The following FRMD8 variants were observed in gnomAD, a reference collection of about 807,000 sequenced individuals.
FRMD8 encodes the protein FERM domain-containing protein 8.
Under a neutral mutation model 54.2 loss-of-function variants are expected in FRMD8, and 37 were observed. That is an observed-to-expected ratio of 0.68 (90% CI 0.53 to 0.90). The LOEUF (loss-of-function observed/expected upper bound fraction) is 0.90. FRMD8 is among the 40% of genes least tolerant of loss of function. The pLI is 0.00. For synonymous variants in FRMD8, 246 were observed against 286.9 expected (o/e 0.86, Z 1.44); for missense variants, 585 against 653.7 (o/e 0.89, Z 1.15).
At chr11:65,380,006 C>T in the FRMD8 span, 1 of 1,600,190 alleles carries the variant, frequency 6.2e-7, no homozygotes, top group Non-Finnish European at 8.6e-7. Context: ...CCTCTGCCCC[C>T]TCAAGCGGGA....
chr11:65,389,265 G>A (rs940648945), intron 2 of FRMD8, 96 bp from the exon 3 acceptor site: 1 of 1,216,972 alleles, frequency 8.2e-7, no homozygotes. Context: ...TAGGGTGGGG[G>A]CTCCAGCCCC....
chr11:65,394,472 T>C, intron 6 of FRMD8, 47 bp downstream of exon 6: 1 of 1,532,208 alleles, frequency 6.5e-7, no homozygotes, highest in Non-Finnish European at 8.8e-7. Flanking sequence ...TGGGGGAGTT[T>C]GTCCTTGGAA....
chr11:65,389,299 TTGGCC>T (rs1855792532), intron 2 of FRMD8, 57 bp from the exon 3 acceptor site: 16 of 1,561,028 alleles, frequency 1.0e-5, no homozygotes, highest in Non-Finnish European at 1.4e-5. Flanking sequence ...GGGTGCCTGG[TTGGCC>T]TGGCCTGGCT....
Position 65,400,108 on chromosome 11 carries a change from G to C in FRMD8, c.927+249G>C, listed in dbSNP as rs1369654344. Among the ~76,000 whole-genome samples the C allele has an allele frequency of 2.6e-5, 4 of 152,192 alleles. No homozygotes were observed. The highest frequency in any genetic ancestry group is 9.6e-5 in the African/African-American group (4 of 41,452). The stretch of plus-strand genomic sequence containing the variant: ...GGGACTTCACTGCTGAGTGGAGGGA[G>C]GGCAGCAGGGCCCGCTGCTCTGCCT... On this transcript the variant is annotated intron_variant, in intron 8 of 10. Transcript: ENST00000317568. The surrounding 1 kb of genome is among the most constrained non-coding windows in gnomAD (Gnocchi z 4.3).
At position 65,400,793 on chromosome 11, in the gene FRMD8, A is replaced by G. The variant is rs1266188148; in HGVS notation, c.997A>G (p.Ile333Val). 3 of 1,612,914 alleles carry G rather than the reference A, an allele frequency of 1.9e-6. No individual in the cohort carries two copies. The highest frequency in any genetic ancestry group is 2.2e-5 in the South Asian group (2 of 90,682). ...DHTSPEEEEP[I>V]LWLEFDGDSE... ...CACCTCCCCCGAGGAGGAGGAGCCC[A>G]TCTTGTGGCTGGAGTTCGACGGGGA... The change falls in exon 9 of 11, where the codon ATC (isoleucine) becomes GTC (valine). Residue 333 changes from isoleucine (I) to valine (V), a missense_variant. Transcript: ENST00000317568. This position sits in a 1 kb window ranked among gnomAD's most constrained non-coding sequence, Gnocchi z 4.3.
the FRMD8 span, chr11:65,379,297 G>A: frequency 6.5e-6 from 10 of 1,532,582 alleles, no homozygotes; most frequent in South Asian, 1.1e-5. Flanking sequence ...GCTGTGGGTC[G>A]CCAGGGCAGG....
the FRMD8 span, chr11:65,380,375 G>T: frequency 1.1e-6 from 1 of 927,020 alleles, no homozygotes; most frequent in South Asian, 1.6e-5. Flanking sequence ...GGCCAGGAAG[G>T]CACTGGGACA....
At position 65,389,506 on chromosome 11, in the gene FRMD8, C is replaced by A. The variant is rs528421662; in HGVS notation, c.231C>A (p.Leu77=). ...ACATCGCCCTGGATGTCTTCGCGCT[C>A]TGGCTGGTCTCCCCTCTGCTGGGTA... ...LPDIALDVFA[L]WLVSPLLEVQ... is the part of the protein sequence containing the mutation. The change falls in exon 3 of 11, where the codon CTC becomes CTA. Residue 77 remains leucine, a synonymous_variant. Coordinates refer to ENST00000317568, the MANE Select transcript of FRMD8 (RefSeq NM_031904.5). 3 of 1,596,934 alleles carry A rather than the reference C, an allele frequency of 1.9e-6. No individual in the cohort carries two copies. Among genetic ancestry groups the A allele is most frequent in the Non-Finnish European group, 2.6e-6 (3 of 1,175,576 alleles).
At chr11:65,370,870 G>A in the FRMD8 span, among the ~76,000 whole-genome samples, 2 of 152,292 alleles carry the variant, frequency 1.3e-5, no homozygotes, top group East Asian at 1.9e-4. Context: ...TTCGAGACCA[G>A]CCTGGGCAGC....
intron 7 of FRMD8, 57 bp from the exon 8 acceptor site, chr11:65,399,679 C>T (rs1856027954): frequency 6.3e-7 from 1 of 1,590,896 alleles, no homozygotes; most frequent in Non-Finnish European, 8.6e-7. Flanking sequence ...GGGCCTCGAG[C>T]AGCCTCCCTC....
At chr11:65,376,144 C>T in the FRMD8 span, 2 of 550,882 alleles carry the variant, frequency 3.6e-6, no homozygotes, top group East Asian at 6.0e-5. Context: ...CACTTGCCAG[C>T]TCACTTGTGC....
Position 65,400,122 on chromosome 11 carries a change from G to A in FRMD8, c.927+263G>A, listed in dbSNP as rs1318071659. Among the ~76,000 whole-genome samples, 1 of 152,178 alleles carries A rather than the reference G, an allele frequency of 6.6e-6. No homozygotes were observed. Among genetic ancestry groups the A allele is most frequent in the Non-Finnish European group, 1.5e-5 (1 of 68,016 alleles). On this transcript the variant is annotated intron_variant, in intron 8 of 10. Coordinates refer to ENST00000317568, the MANE Select transcript of FRMD8 (RefSeq NM_031904.5). The surrounding 1 kb of genome is among the most constrained non-coding windows in gnomAD (Gnocchi z 4.3). ...GAGTGGAGGGAGGGCAGCAGGGCCC[G>A]CTGCTCTGCCTGGCTGATGGCTGGA...
the FRMD8 span, among the ~76,000 whole-genome samples, chr11:65,372,710 G>A: frequency 4.0e-4 from 61 of 152,284 alleles, no homozygotes; most frequent in African/African-American, 1.4e-3. Flanking sequence ...GGGAATTCCC[G>A]CTAACTGGTA....
At chr11:65,384,585 G>A (rs1048422577), upstream of FRMD8, among the ~76,000 whole-genome samples, 5 of 152,170 alleles carry the variant, frequency 3.3e-5, no homozygotes, top group African/African-American at 1.2e-4. Flanking sequence ...CAGGACGCAT[G>A]AGAATGACAC....
chr11:65,382,151 G>A (rs1303615853), upstream of FRMD8: 8 of 619,100 alleles, frequency 1.3e-5, no homozygotes, highest in Non-Finnish European at 2.1e-5. The surrounding 1 kb of genome is among the most constrained non-coding windows in gnomAD (Gnocchi z 4.4). Flanking sequence ...ACCTGGAGGA[G>A]TCGTGCAGAG....
chr11:65,401,068 A>C (rs75017041), intron 9 of FRMD8, among the ~76,000 whole-genome samples: 1,619 of 152,184 alleles, frequency 0.011, 34 homozygotes, highest in African/African-American at 0.037. Context: ...CCTGGTCTGC[A>C]GACTCCACGC....
intron 7 of FRMD8, among the ~76,000 whole-genome samples, chr11:65,397,875 CTT>C (rs71064881): frequency 1.4e-3 from 154 of 106,722 alleles, no homozygotes; most frequent in Non-Finnish European, 1.8e-3. Context: ...ATTTTTCTTT[CTT>C]TTTTTTTTTT....
Position 65,400,693 on chromosome 11 carries a change from C to T in FRMD8, c.928-31C>T. 6.5e-7 allele frequency: 1 copy of T among 1,540,126 alleles called. No individual in the cohort carries two copies. Among genetic ancestry groups the T allele is most frequent in the South Asian group, 1.3e-5 (1 of 79,486 alleles). On this transcript the variant is annotated intron_variant, in intron 8 of 10. Transcript: ENST00000317568. This position sits in a 1 kb window ranked among gnomAD's most constrained non-coding sequence, Gnocchi z 4.3. The stretch of plus-strand genomic sequence containing the variant: ...GGGGAGCAGACCTCTGCCCAGGGGT[C>T]AAGCCTGGCTCTGTGTCTCCTGCTG...
chr11:65,376,558 T>TA, the FRMD8 span: 1 of 1,614,168 alleles, frequency 6.2e-7, no homozygotes, highest in Non-Finnish European at 8.5e-7. Context: ...CATCCCCTGG[T>TA]ACACTCTGCG....
Sources: gnomAD v4.1 joint callset for allele counts (sites outside exome capture counted in the v4.1 genomes callset) on GRCh38, gnomAD v4.1.1 for gene constraint, Gnocchi (gnomAD v3.1) non-coding constraint, MANE v1.5 for transcripts, NCBI Gene and HGNC (gene_info 2026-07-23, HGNC 2026-07-21) for gene names.